The following LRRC9 variants were observed in gnomAD, a reference collection of about 807,000 sequenced individuals.
LRRC9 encodes leucine-rich repeat-containing protein 9.
LRRC9 carries 122 observed loss-of-function variants against 63.2 expected under a neutral mutation model. The observed-to-expected ratio is 1.93, with a 90% CI of 1.67 to 2.24. The LOEUF is 2.24. Among genes scored for constraint, LRRC9 ranks in the 30% most tolerant of loss-of-function variants. LRRC9 has a pLI of 0.00. For synonymous variants in LRRC9, 366 were observed against 213.1 expected (o/e 1.72, Z -6.25); for missense variants, 1,071 against 627.7 (o/e 1.71, Z -7.55).
intron 23 of LRRC9, among the ~76,000 whole-genome samples, chr14:60,012,098 AAG>A (rs1166791234): frequency 6.6e-6 from 1 of 152,194 alleles, no homozygotes; most frequent in Non-Finnish European, 1.5e-5. Context: ...TATGTAGAAA[AAG>A]AAGTCATGAA....
In LRRC9 at chr14:59,936,096, C is replaced by T. The variant is rs1890116328; in HGVS notation, c.544-2294C>T. On this transcript the variant is annotated intron_variant, in intron 6 of 31. Coordinates refer to ENST00000445360, the Ensembl canonical transcript of LRRC9. This position sits in a 1 kb window ranked among gnomAD's most constrained non-coding sequence, Gnocchi z 4.2. Reference sequence around the variant, plus strand: ...TTGGTGAAATAACAATGTAAAGTACCTAAATAGTGACCAGCACATAGTAAG... The same window carrying T: ...TTGGTGAAATAACAATGTAAAGTACTTAAATAGTGACCAGCACATAGTAAG... 6.6e-6 allele frequency among the ~76,000 whole-genome samples: 1 copy of T among 152,046 alleles called. No homozygotes were observed. The highest frequency in any genetic ancestry group is 1.5e-5 in the Non-Finnish European group (1 of 68,004).
intron 15 of LRRC9, among the ~76,000 whole-genome samples, chr14:59,981,457 A>C (rs2140099628): frequency 6.6e-6 from 1 of 152,182 alleles, no homozygotes; most frequent in Non-Finnish European, 1.5e-5. Flanking sequence ...TCTTTGTTCA[A>C]GTTTCTCTGG....
At chr14:60,019,310 A>G (rs1268552709) in intron 26 of LRRC9, 50 bp downstream of exon 26, 1 of 644,748 alleles carries the variant, frequency 1.6e-6, no homozygotes, top group East Asian at 2.8e-5. Context: ...TGGGAATTTT[A>G]AAAGCAGTTA....
chr14:59,991,881 T>C (rs893829026), intron 17 of LRRC9, among the ~76,000 whole-genome samples: 1 of 152,194 alleles, frequency 6.6e-6, no homozygotes, highest in South Asian at 2.1e-4. Flanking sequence ...ACTCCACCTC[T>C]GGGGGCAGGG....
At chr14:59,999,699 A>G (rs544475393) in intron 19 of LRRC9, among the ~76,000 whole-genome samples, 1 of 152,256 alleles carries the variant, frequency 6.6e-6, no homozygotes, top group Non-Finnish European at 1.5e-5. Context: ...TACTTTAGCC[A>G]AAGTAGCTTC....
chr14:60,032,132 G>A (rs1892039016), intron 29 of LRRC9, 69 bp downstream of exon 29: 2 of 647,610 alleles, frequency 3.1e-6, no homozygotes, highest in Non-Finnish European at 5.5e-6. Context: ...TTTTTATATG[G>A]TATTAGAAAG....
chr14:59,968,788 T>C (rs974735742), intron 12 of LRRC9, among the ~76,000 whole-genome samples: 1 of 152,328 alleles, frequency 6.6e-6, no homozygotes, highest in African/African-American at 2.4e-5. Flanking sequence ...CTGAGTACTT[T>C]ATCTTCTGCA....
intron 27 of LRRC9, among the ~76,000 whole-genome samples, chr14:60,025,660 G>A (rs1180275340): frequency 2.7e-5 from 4 of 147,352 alleles, no homozygotes; most frequent in African/African-American, 1.0e-4. Flanking sequence ...ACATGGTAAG[G>A]ATTGTTACAT....
intron 17 of LRRC9, among the ~76,000 whole-genome samples, chr14:59,987,318 CT>C (rs1887576937): frequency 1.3e-5 from 2 of 150,464 alleles, no homozygotes; most frequent in South Asian, 4.2e-4. Context: ...TCTTTTGTTG[CT>C]TTTGGCAACC....
At chr14:60,044,684 C>A (rs918591125) in intron 29 of LRRC9, among the ~76,000 whole-genome samples, 3 of 152,080 alleles carry the variant, frequency 2.0e-5, no homozygotes, top group Non-Finnish European at 4.4e-5. Context: ...AGAATTTGTA[C>A]AAACATGTTT....
chr14:60,008,138 T>C (rs1369610595), exon 23 of LRRC9: 1 of 701,824 alleles, frequency 1.4e-6, no homozygotes, highest in Non-Finnish European at 2.6e-6. Flanking sequence ...AACATCATTA[T>C]ATGGAATCAA....
At chr14:60,032,086 T>G in intron 29 of LRRC9, 23 bp downstream of exon 29, 1 of 677,408 alleles carries the variant, frequency 1.5e-6, no homozygotes, top group East Asian at 2.7e-5. Flanking sequence ...CCATTCTAAT[T>G]TATTAGTTAA....
chr14:59,984,868 T>C (rs1364732519), intron 16 of LRRC9, among the ~76,000 whole-genome samples: 1 of 152,226 alleles, frequency 6.6e-6, no homozygotes, highest in African/African-American at 2.4e-5. Context: ...AAGTAAGAAA[T>C]CATATTAATC....
chr14:59,979,115 C>CT (rs1194802193), intron 15 of LRRC9, among the ~76,000 whole-genome samples: 1 of 152,060 alleles, frequency 6.6e-6, no homozygotes, highest in Admixed American at 6.5e-5. Context: ...GATTTTAGTA[C>CT]TTTATCTTAG....
At chr14:60,038,441 T>C (rs561181285) in intron 29 of LRRC9, among the ~76,000 whole-genome samples, 7 of 152,318 alleles carry the variant, frequency 4.6e-5, no homozygotes, top group African/African-American at 1.7e-4. Flanking sequence ...TTTTATTTCT[T>C]TTAGCAGTGG....
intron 17 of LRRC9, among the ~76,000 whole-genome samples, chr14:59,988,366 C>G (rs917535213): frequency 6.6e-6 from 1 of 152,064 alleles, no homozygotes; most frequent in African/African-American, 2.4e-5. Flanking sequence ...CATGCGTGCA[C>G]GCATGCGTGT....
chr14:60,016,033 G>T (rs574229105), intron 23 of LRRC9, among the ~76,000 whole-genome samples: 5 of 152,148 alleles, frequency 3.3e-5, no homozygotes, highest in Admixed American at 2.6e-4. Flanking sequence ...TGTGGACTTT[G>T]TCTTGTTATT....
At chr14:59,953,691 T>A (rs1302183222) in intron 8 of LRRC9, among the ~76,000 whole-genome samples, 1 of 152,202 alleles carries the variant, frequency 6.6e-6, no homozygotes, top group Non-Finnish European at 1.5e-5. Context: ...AATTTTGACT[T>A]TTGTTGCTGT....
rs1179301980 is a variant in LRRC9 at position 60,051,697 on chromosome 14, C to G, written c.3991-1368C>G. On this transcript the variant is annotated intron_variant, in intron 29 of 31. Coordinates refer to ENST00000445360, the Ensembl canonical transcript of LRRC9. This position sits in a 1 kb window ranked among gnomAD's most constrained non-coding sequence, Gnocchi z 4.7. ...TTCCTAGGGGAATGTACAGACAGATCTACTGCCTTGCCAGAATCCCGGCGC... is the reference window on the plus strand; with the variant it reads ...TTCCTAGGGGAATGTACAGACAGATGTACTGCCTTGCCAGAATCCCGGCGC... 1.1e-4 allele frequency among the ~76,000 whole-genome samples: 16 copies of G among 151,460 alleles called. No homozygotes were observed. The highest frequency in any genetic ancestry group is 9.2e-4 in the Admixed American group (14 of 15,252).
Sources: gnomAD v4.1 joint callset for allele counts (sites outside exome capture counted in the v4.1 genomes callset) on GRCh38, gnomAD v4.1.1 for gene constraint, Gnocchi (gnomAD v3.1) non-coding constraint, MANE v1.5 for transcripts, NCBI Gene and HGNC (gene_info 2026-07-23, HGNC 2026-07-21) for gene names.